The following ERICH6B variants were observed in gnomAD, a reference collection of about 807,000 sequenced individuals.
ERICH6B encodes glutamate rich 6B, also known as glutamate-rich protein 6B.
A neutral mutation model predicts 80.0 loss-of-function variants in ERICH6B; 69 were observed. The ratio of observed to expected loss-of-function variants is 0.86; its 90% CI spans 0.71 to 1.05. ERICH6B has a LOEUF of 1.05. Ranked by LOEUF, ERICH6B falls within the 50% of genes least tolerant of loss-of-function variation. The pLI is 0.00. For missense variants in ERICH6B, 754 were observed against 796.1 expected, an observed-to-expected ratio of 0.95 and a Z score of 0.64; for synonymous variants, 283 against 291.9, an observed-to-expected ratio of 0.97 and a Z score of 0.31.
At chr13:45,612,809 A>C (rs1414524495) in intron 1 of ERICH6B, among the ~76,000 whole-genome samples, 2 of 152,206 alleles carry the variant, frequency 1.3e-5, no homozygotes, top group South Asian at 2.1e-4. Context: ...GCATAGAATC[A>C]GAGAGGAAGG....
intron 2 of ERICH6B, among the ~76,000 whole-genome samples, chr13:45,600,611 T>A (rs1230627099): frequency 1.3e-5 from 2 of 152,232 alleles, no homozygotes; most frequent in Non-Finnish European, 2.9e-5. Flanking sequence ...GTATTTGTCT[T>A]TCTGTGACTG....
chr13:45,606,500 TATGTG>T, intron 2 of ERICH6B, among the ~76,000 whole-genome samples: 2 of 27,868 alleles, frequency 7.2e-5, no homozygotes, highest in Admixed American at 6.2e-4. Flanking sequence ...CCCAAAAGTG[TATGTG>T]TATATATATA....
In ERICH6B at chr13:45,597,171, T is replaced by C; in HGVS notation, c.-58-108A>G. On this transcript the variant is annotated intron_variant, in intron 2 of 14. Coordinates refer to ENST00000298738, the MANE Select transcript of ERICH6B (RefSeq NM_182542.3). The stretch of plus-strand genomic sequence containing the variant: ...TCATTCAGTAGTCTTTGGAGGGCTC[T>C]TTAAGTATGCAGATCAGTACATAGA... 6.5e-6 allele frequency: 5 copies of C among 769,896 alleles called. No homozygotes were observed. In the South Asian group the frequency reaches 7.8e-5, roughly 12 times the overall value. The allele number at this position is 769,896 out of a possible 1,614,324, so 47.7% of individuals were successfully genotyped here.
chr13:45,610,874 T>A (rs1949895989), intron 1 of ERICH6B, among the ~76,000 whole-genome samples: 1 of 151,492 alleles, frequency 6.6e-6, no homozygotes, highest in Non-Finnish European at 1.5e-5. Flanking sequence ...TATATTTATA[T>A]ATAATATACA....
In ERICH6B at chr13:45,544,493, G is replaced by T. The variant is rs563381722; in HGVS notation, c.1872+267C>A. ...TGTCTTGGCCTCCCAAAGCCCTGGG[G>T]TTACAGATGCAAGTCATTCTTCCCA... On this transcript the variant is annotated intron_variant, in intron 14 of 14. Coordinates refer to ENST00000298738, the MANE Select transcript of ERICH6B (RefSeq NM_182542.3). Among the ~76,000 whole-genome samples the T allele has an allele frequency of 2.0e-4, 31 of 152,312 alleles. 1 individual carries two copies. The South Asian group carries it at 5.2e-3, about 25-fold the overall frequency.
At chr13:45,556,476 G>C (rs1874442638) in intron 11 of ERICH6B, among the ~76,000 whole-genome samples, 1 of 152,082 alleles carries the variant, frequency 6.6e-6, no homozygotes, top group Non-Finnish European at 1.5e-5. Context: ...GTGGTTATTT[G>C]TGAGATTTGG....
At chr13:45,559,351 C>A (rs530435844) in intron 11 of ERICH6B, among the ~76,000 whole-genome samples, 56 of 152,120 alleles carry the variant, frequency 3.7e-4, no homozygotes, top group Non-Finnish European at 5.3e-4. Context: ...TTTCAAAGAA[C>A]CAACTTTTTG....
Position 45,606,542 on chromosome 13 carries a change from TA to T in ERICH6B, c.-59+1021del, listed in dbSNP as rs1197184933. Reference sequence around the variant, plus strand: ...ATATATATATATATATATATATATATATATATTTTTTTTTTTTTTTTTTTTT... The same window carrying T: ...ATATATATATATATATATATATATATTATATTTTTTTTTTTTTTTTTTTTT... On this transcript the variant is annotated intron_variant, in intron 2 of 14. Transcript: ENST00000298738. 2.5e-3 allele frequency among the ~76,000 whole-genome samples: 43 copies of T among 17,430 alleles called. 1 individual carries two copies. Among genetic ancestry groups the T allele is most frequent in the Admixed American group, 0.012 (13 of 1,100 alleles). 11.4% of individuals were successfully genotyped at this position (17,430 alleles called of 152,430 possible).
intron 13 of ERICH6B, among the ~76,000 whole-genome samples, chr13:45,546,137 G>A (rs1015481544): frequency 1.3e-5 from 2 of 152,172 alleles, no homozygotes; most frequent in African/African-American, 4.8e-5. Context: ...ATAGGTACAA[G>A]GGAATGAAGG....
chr13:45,544,887 G>T lies in ERICH6B; in HGVS notation c.1745C>A (p.Pro582His). ...GATTTTCAAGGAGATGGGCTGGACA[G>T]GGGGTGCGTGGACATGGATGTTCAG... ...WNLNIHVHAP[P>H]VQPISLKINE... Residue 582 changes from proline to histidine, a missense_variant, in exon 14 of 15, where the codon CCT becomes CAT. Transcript: ENST00000298738. 1 of 1,551,732 alleles carries T rather than the reference G, an allele frequency of 6.4e-7. No homozygotes were observed. The highest frequency in any genetic ancestry group is 8.7e-7 in the Non-Finnish European group (1 of 1,147,004).
chr13:45,580,070 C>T lies in ERICH6B; in HGVS notation c.920-96G>A, dbSNP rs1037325879. The T allele has an allele frequency of 2.2e-5, 23 of 1,058,978 alleles. No homozygotes were observed. In the Middle Eastern group the frequency reaches 8.1e-4, roughly 37 times the overall value. The allele number at this position is 1,058,978 out of a possible 1,614,324, so 65.6% of individuals were successfully genotyped here. On this transcript the variant is annotated intron_variant, in intron 6 of 14. Transcript: ENST00000298738. The stretch of plus-strand genomic sequence containing the variant: ...ATGGAATCAATTTAAAAATCATCTC[C>T]TAGATATCTGGGAAGCCTCAGGGTG...
intron 10 of ERICH6B, among the ~76,000 whole-genome samples, chr13:45,563,354 A>G (rs1049118797): frequency 1.3e-5 from 2 of 152,150 alleles, no homozygotes; most frequent in Non-Finnish European, 2.9e-5. Flanking sequence ...ATGAAACCTG[A>G]GAAGCTCACT....
rs1016560085 is a variant in ERICH6B, at chr13:45,541,526, G to A, written c.2027C>T (p.Ala676Val). Residue 676 changes from alanine to valine, a missense_variant, in exon 15 of 15, where the codon GCC (alanine) becomes GTC (valine). Physicochemically the swap from Ala to Val is moderately conservative, Grantham distance 64. Coordinates refer to ENST00000298738, the MANE Select transcript of ERICH6B (RefSeq NM_182542.3). ...GTTGTCCATCAGTGATATACTGACGGCCTCTATGAAGTTTTCCAGATCAGG... is the reference window on the plus strand; with the variant it reads ...GTTGTCCATCAGTGATATACTGACGACCTCTATGAAGTTTTCCAGATCAGG... Reference protein sequence around the residue: ...TTPDLENFIEAVSISLMDNKY... With the variant: ...TTPDLENFIEVVSISLMDNKY... 5 of 1,551,988 alleles carry A rather than the reference G, an allele frequency of 3.2e-6. No individual in the cohort carries two copies. The highest frequency in any genetic ancestry group is 4.4e-6 in the Non-Finnish European group (5 of 1,147,086).
chr13:45,608,375 A>G (rs1949881649), intron 1 of ERICH6B, among the ~76,000 whole-genome samples: 1 of 152,118 alleles, frequency 6.6e-6, no homozygotes, highest in Admixed American at 6.5e-5. Context: ...CTGGGAACAG[A>G]TTTTACTCTG....
intron 1 of ERICH6B, among the ~76,000 whole-genome samples, chr13:45,609,255 C>G (rs1395855926): frequency 6.6e-6 from 1 of 152,218 alleles, no homozygotes; most frequent in Non-Finnish European, 1.5e-5. Context: ...GCCCCACATC[C>G]TCTCCTGCCC....
At chr13:45,580,570 C>A in intron 6 of ERICH6B, 33 bp downstream of exon 6, 1 of 1,549,158 alleles carries the variant, frequency 6.5e-7, no homozygotes. Context: ...TGACTAACTT[C>A]TACAGATCAT....
chr13:45,580,684 G>C lies in ERICH6B; in HGVS notation c.857-19C>G. The stretch of plus-strand genomic sequence containing the variant: ...GATTTTACTGTTAAAAGGCAGAAGA[G>C]GGTGGCTATTAATGATTTAAACCTT... On this transcript the variant is annotated intron_variant, in intron 5 of 14. Transcript: ENST00000298738. The C allele has an allele frequency of 6.4e-7, 1 of 1,550,938 alleles. No individual in the cohort carries two copies. Among genetic ancestry groups the C allele is most frequent in the Non-Finnish European group, 8.7e-7 (1 of 1,146,412 alleles).
chr13:45,595,682 T>C (rs1331050294), intron 3 of ERICH6B, among the ~76,000 whole-genome samples: 38 of 148,990 alleles, frequency 2.6e-4, no homozygotes, highest in East Asian at 5.8e-4. Flanking sequence ...TCTCTCTCTT[T>C]TTTTTTTTTT....
chr13:45,592,196 T>C (rs1876182870), intron 3 of ERICH6B, among the ~76,000 whole-genome samples: 1 of 152,218 alleles, frequency 6.6e-6, no homozygotes, highest in Admixed American at 6.5e-5. Context: ...AGACAATATG[T>C]ACCCTATGCC....
Sources: gnomAD v4.1 joint callset for allele counts (sites outside exome capture counted in the v4.1 genomes callset) on GRCh38, gnomAD v4.1.1 for gene constraint, MANE v1.5 for transcripts, NCBI Gene and HGNC (gene_info 2026-07-23, HGNC 2026-07-21) for gene names.